The following ARMC2 variants were observed in gnomAD, a reference collection of about 807,000 sequenced individuals.
The protein encoded by ARMC2 is armadillo repeat containing 2.
Under a neutral mutation model 90.3 loss-of-function variants are expected in ARMC2, and 67 were observed. That is an observed-to-expected ratio of 0.74 (90% CI 0.61 to 0.91). The LOEUF (loss-of-function observed/expected upper bound fraction) is 0.91. Among genes scored for constraint, ARMC2 ranks in the 40% least tolerant of loss-of-function variants. The pLI, the probability that ARMC2 is intolerant of heterozygous loss-of-function variation, is 0.00. For synonymous variants in ARMC2, 393 were observed against 393.0 expected, an observed-to-expected ratio of 1.00 and a Z score of 0.00; for missense variants, 920 against 1,030.9, an observed-to-expected ratio of 0.89 and a Z score of 1.47.
chr6:108,881,053 A>C (rs1777495220), intron 5 of ARMC2, among the ~76,000 whole-genome samples: 1 of 151,618 alleles, frequency 6.6e-6, no homozygotes, highest in African/African-American at 2.4e-5. Flanking sequence ...ATGGGGTTTC[A>C]CCATGTTGGC....
chr6:108,860,003 TTAA>T (rs1177595669), intron 3 of ARMC2, among the ~76,000 whole-genome samples: 1,742 of 132,478 alleles, frequency 0.013, 32 homozygotes, highest in African/African-American at 0.052. Flanking sequence ...AAACTCTGTC[TTAA>T]AAAAAAAAAA....
chr6:108,874,204 G>T (rs777158107), intron 4 of ARMC2, among the ~76,000 whole-genome samples: 3 of 152,128 alleles, frequency 2.0e-5, no homozygotes, highest in African/African-American at 7.2e-5. Flanking sequence ...GCAGCTCTTC[G>T]TTGTAGTAAT....
At position 108,876,747 on chromosome 6, in the gene ARMC2, C is replaced by T. The variant is rs534598537; in HGVS notation, c.671+397C>T. 2.6e-5 allele frequency among the ~76,000 whole-genome samples: 4 copies of T among 152,274 alleles called. No individual in the cohort carries two copies. In the East Asian group the frequency reaches 5.8e-4, roughly 22 times the overall value. ...CAGTCCTTAACTCCACAAGAGTGGA[C>T]ACTTATTTTATTCTTCAGTAGATCT... is the stretch of plus-strand genomic sequence containing the variant. On this transcript the variant is annotated intron_variant, in intron 5 of 17. Coordinates refer to ENST00000392644, the MANE Select transcript of ARMC2 (RefSeq NM_032131.6).
At chr6:108,860,448 G>A (rs1228395544) in intron 3 of ARMC2, among the ~76,000 whole-genome samples, 1 of 152,012 alleles carries the variant, frequency 6.6e-6, no homozygotes, top group East Asian at 1.9e-4. Context: ...GGGTCACGAG[G>A]TCAGGAGACC....
chr6:108,926,551 C>T (rs965917215), intron 10 of ARMC2, among the ~76,000 whole-genome samples: 21 of 152,132 alleles, frequency 1.4e-4, no homozygotes, highest in African/African-American at 5.1e-4. Flanking sequence ...ATGGCGAAAC[C>T]TTGTCTTTAC....
chr6:109,001,529 T>A, the ARMC2 span: 10 of 1,569,914 alleles, frequency 6.4e-6, no homozygotes, highest in African/African-American at 9.5e-5. Context: ...AAATGGTAAA[T>A]TGGTGTTAAG....
At chr6:108,864,062 T>C (rs559134027) in intron 3 of ARMC2, among the ~76,000 whole-genome samples, 41 of 152,182 alleles carry the variant, frequency 2.7e-4, no homozygotes, top group South Asian at 8.3e-4. Flanking sequence ...GTAAGACAAG[T>C]AGAGTAGAGC....
intron 5 of ARMC2, among the ~76,000 whole-genome samples, chr6:108,883,380 A>G (rs977828002): frequency 8.5e-5 from 13 of 152,088 alleles, no homozygotes; most frequent in Admixed American, 3.3e-4. Flanking sequence ...TGAAGAAGCT[A>G]TGGTAAAAGC....
chr6:108,996,427 C>T, the ARMC2 span, among the ~76,000 whole-genome samples: 1 of 152,138 alleles, frequency 6.6e-6, no homozygotes, highest in Non-Finnish European at 1.5e-5. Flanking sequence ...GATTAGGTTT[C>T]ATGACAGGAT....
chr6:108,966,239 C>T (rs1223617521), intron 17 of ARMC2, among the ~76,000 whole-genome samples: 4 of 151,432 alleles, frequency 2.6e-5, no homozygotes, highest in Non-Finnish European at 5.9e-5. Context: ...CCTTTACACT[C>T]CTTCACTAAC....
intron 12 of ARMC2, among the ~76,000 whole-genome samples, chr6:108,950,021 C>A (rs1193809032): frequency 6.6e-6 from 1 of 152,144 alleles, no homozygotes; most frequent in Admixed American, 6.5e-5. Context: ...GCCTAGCCAA[C>A]ATGGTGAAAC....
chr6:108,993,969 C>G, the ARMC2 span, among the ~76,000 whole-genome samples: 1 of 151,530 alleles, frequency 6.6e-6, no homozygotes, highest in Non-Finnish European at 1.5e-5. Context: ...AAGACCCCAT[C>G]TCTACAAAAA....
chr6:108,914,370 C>A, intron 10 of ARMC2, among the ~76,000 whole-genome samples: 1 of 152,304 alleles, frequency 6.6e-6, no homozygotes. Context: ...TTCACCAGGT[C>A]GGATCCCCCC....
chr6:109,008,870 C>T, the ARMC2 span: 1 of 985,798 alleles, frequency 1.0e-6, no homozygotes, highest in Non-Finnish European at 1.2e-6. Context: ...TTCCCTGAGT[C>T]AAATGTGTTT....
the ARMC2 span, among the ~76,000 whole-genome samples, chr6:109,017,464 T>G: frequency 6.6e-6 from 1 of 152,126 alleles, no homozygotes; most frequent in Non-Finnish European, 1.5e-5. Flanking sequence ...TTTTTGTATT[T>G]TTAGTAGAGA....
intron 10 of ARMC2, among the ~76,000 whole-genome samples, chr6:108,926,545 C>T (rs1020619538): frequency 2.0e-5 from 3 of 152,076 alleles, no homozygotes; most frequent in Non-Finnish European, 4.4e-5. Context: ...GCCAACATGG[C>T]GAAACCTTGT....
intron 5 of ARMC2, among the ~76,000 whole-genome samples, chr6:108,882,822 G>A (rs535121928): frequency 6.6e-6 from 1 of 152,272 alleles, no homozygotes; most frequent in Admixed American, 6.5e-5. Flanking sequence ...CGTATATTAA[G>A]TCATTTAATA....
At chr6:108,867,946 A>G (rs1483619508) in intron 3 of ARMC2, among the ~76,000 whole-genome samples, 1 of 152,156 alleles carries the variant, frequency 6.6e-6, no homozygotes, top group Non-Finnish European at 1.5e-5. Flanking sequence ...AAATAAATAA[A>G]TAAATCAATA....
chr6:109,006,839 C>T, the ARMC2 span, among the ~76,000 whole-genome samples: 1 of 152,180 alleles, frequency 6.6e-6, no homozygotes, highest in Admixed American at 6.5e-5. Flanking sequence ...ATAAGCCAAA[C>T]TAAATACATT....
Sources: gnomAD v4.1 joint callset for allele counts (sites outside exome capture counted in the v4.1 genomes callset) on GRCh38, gnomAD v4.1.1 for gene constraint, MANE v1.5 for transcripts, NCBI Gene and HGNC (gene_info 2026-07-23, HGNC 2026-07-21) for gene names.